MED13L: variants seen among roughly 807,000 people sequenced by gnomAD.
MED13L encodes mediator complex subunit 13L.
A neutral mutation model predicts 220.9 loss-of-function variants in MED13L; 7 were observed. The ratio of observed to expected loss-of-function variants is 0.03; its 90% CI spans 0.02 to 0.06. The LOEUF is 0.06. Among genes scored for constraint, MED13L ranks in the 10% least tolerant of loss-of-function variants. The probability of loss-of-function intolerance (pLI) is 1.00; values close to 1 mark genes in which losing one functional copy is unlikely to be tolerated. For missense variants in MED13L, 1,965 were observed against 2,760.5 expected (o/e 0.71, Z 6.46); for synonymous variants, 1,011 against 1,015.2 (o/e 1.00, Z 0.08).
In MED13L at chr12:116,008,418, C is replaced by T. The variant is rs749634218; in HGVS notation, c.1995G>A (p.Glu665=). 1.9e-6 allele frequency: 3 copies of T among 1,611,098 alleles called. No individual in the cohort carries two copies. The South Asian group carries it at 3.3e-5, about 18-fold the overall frequency. Residue 665 remains glutamate, a synonymous_variant, in exon 10 of 31, where the codon GAG becomes GAA. Coordinates refer to ENST00000281928, the MANE Select transcript of MED13L (RefSeq NM_015335.5). ...RCDAKMEVNS[E]STALQRLLAQ... is the part of the protein sequence containing the mutation. The stretch of plus-strand genomic sequence containing the variant: ...TGTCTTACCTTTGCAATGCAGTGCT[C>T]TCTGAGTTTACCTCCATTTTGGCAT...
chr12:116,230,205 A>C (rs1593188599), intron 2 of MED13L, among the ~76,000 whole-genome samples: 1 of 152,050 alleles, frequency 6.6e-6, no homozygotes, highest in South Asian at 2.1e-4. Flanking sequence ...GGAGTTCAAG[A>C]CCAGCCTGGC....
At chr12:116,208,103 A>T (rs1882466788) in intron 2 of MED13L, among the ~76,000 whole-genome samples, 1 of 152,196 alleles carries the variant, frequency 6.6e-6, no homozygotes, top group Non-Finnish European at 1.5e-5. Context: ...AAACATCGAG[A>T]AGGATAACAG....
intron 2 of MED13L, among the ~76,000 whole-genome samples, chr12:116,171,020 G>A (rs966389596): frequency 6.6e-6 from 1 of 152,242 alleles, no homozygotes; most frequent in African/African-American, 2.4e-5. Context: ...GGCACCACCA[G>A]CAGTTTTATC....
chr12:116,180,858 T>C (rs927551233), intron 2 of MED13L, among the ~76,000 whole-genome samples: 1 of 152,170 alleles, frequency 6.6e-6, no homozygotes, highest in Non-Finnish European at 1.5e-5. Context: ...CAGTTCTTCC[T>C]TACTATATAA....
At chr12:116,041,467 T>C (rs976947451) in intron 4 of MED13L, among the ~76,000 whole-genome samples, 14 of 152,218 alleles carry the variant, frequency 9.2e-5, no homozygotes, top group Admixed American at 7.9e-4. Flanking sequence ...TCTGTTCTAC[T>C]ACAGCTCTGT....
At chr12:116,072,232 C>T (rs1275073237) in intron 4 of MED13L, among the ~76,000 whole-genome samples, 2 of 152,320 alleles carry the variant, frequency 1.3e-5, no homozygotes, top group South Asian at 4.1e-4. Flanking sequence ...GATAAAACAG[C>T]TTGAATCTCA....
At chr12:116,263,109 G>A (rs1872617104) in intron 1 of MED13L, among the ~76,000 whole-genome samples, 1 of 152,058 alleles carries the variant, frequency 6.6e-6, no homozygotes, top group African/African-American at 2.4e-5. Flanking sequence ...AATTCTAAAT[G>A]CTAAATGGCT....
chr12:116,213,056 G>C (rs1882794963), intron 2 of MED13L, among the ~76,000 whole-genome samples: 1 of 152,168 alleles, frequency 6.6e-6, no homozygotes, highest in South Asian at 2.1e-4. Context: ...TATGCGCGAA[G>C]AAAAGCCACT....
At chr12:116,200,586 C>A (rs372843980) in intron 2 of MED13L, among the ~76,000 whole-genome samples, 3 of 151,984 alleles carry the variant, frequency 2.0e-5, no homozygotes, top group Non-Finnish European at 4.4e-5. Context: ...AGAATATGTA[C>A]GTAAACTGTC....
rs1566020576 is a variant in MED13L at position 116,031,717 on chromosome 12, A to AGG, written c.480-9117_480-9116insCC. On this transcript the variant is annotated intron_variant, in intron 4 of 30. Transcript: ENST00000281928. ...AAAGAAAAGAAAAGAAAAGAAAAGA[A>AGG]AAGAAAAGAAAAGAAAAGAAAAGAA... is the stretch of plus-strand genomic sequence containing the variant. 2.1e-3 allele frequency among the ~76,000 whole-genome samples: 166 copies of AGG among 79,326 alleles called. 7 individuals are homozygous for AGG. Among genetic ancestry groups the AGG allele is most frequent in the African/African-American group, 9.5e-3 (153 of 16,040 alleles). The allele number at this position is 79,326 out of a possible 152,430, so 52.0% of individuals were successfully genotyped here. A position where few individuals can be genotyped will look rare whatever the true frequency, so the allele number is the denominator to read the frequency against.
At chr12:115,962,120 G>A (rs188366730) in intron 30 of MED13L, among the ~76,000 whole-genome samples, 376 of 152,100 alleles carry the variant, frequency 2.5e-3, no homozygotes, top group African/African-American at 8.8e-3. Flanking sequence ...CTATTTTAAT[G>A]TGGCTAACAG....
intron 2 of MED13L, among the ~76,000 whole-genome samples, chr12:116,212,020 CA>C (rs1882727642): frequency 6.6e-6 from 1 of 152,168 alleles, no homozygotes; most frequent in Admixed American, 6.5e-5. Flanking sequence ...ACATATATCA[CA>C]TTTTTTTCTG....
At chr12:116,266,721 T>C (rs745402361) in intron 1 of MED13L, among the ~76,000 whole-genome samples, 2 of 152,166 alleles carry the variant, frequency 1.3e-5, no homozygotes, top group Non-Finnish European at 2.9e-5. Context: ...GAAAACAAAC[T>C]TACAAATTAA....
At chr12:115,987,963 T>C (rs1877811137) in intron 17 of MED13L, among the ~76,000 whole-genome samples, 1 of 152,158 alleles carries the variant, frequency 6.6e-6, no homozygotes, top group African/African-American at 2.4e-5. Context: ...CATGCAAAAC[T>C]GTGCAAGCAC....
chr12:116,089,882 G>A (rs1872039771), intron 4 of MED13L, among the ~76,000 whole-genome samples: 1 of 152,168 alleles, frequency 6.6e-6, no homozygotes, highest in East Asian at 1.9e-4. Flanking sequence ...TAAATTCTAA[G>A]ATACTTCAGC....
intron 4 of MED13L, among the ~76,000 whole-genome samples, chr12:116,027,856 CAAT>C (rs1018581736): frequency 2.2e-4 from 33 of 152,298 alleles, no homozygotes; most frequent in Admixed American, 1.9e-3. Flanking sequence ...ACAAATTCAA[CAAT>C]GAGTTGTCAC....
In MED13L at chr12:115,983,203, C is replaced by G. The variant is rs367850766; in HGVS notation, c.4869G>C (p.Ala1623=). The G allele has an allele frequency of 6.2e-7, 1 of 1,614,156 alleles. No individual in the cohort carries two copies. The highest frequency in any genetic ancestry group is 8.5e-7 in the Non-Finnish European group (1 of 1,179,998). The change falls in exon 21 of 31, where the codon GCG becomes GCC. Residue 1623 remains alanine, a synonymous_variant. Coordinates refer to ENST00000281928, the MANE Select transcript of MED13L (RefSeq NM_015335.5). ...GQNPSTGGIS[A]DRTQGNIGCG... is the part of the protein sequence containing the mutation. ...AGCCTATGTTCCCTTGCGTTCTATCCGCAGAAATGCCCCCAGTGCTGGGGT... is the reference window on the plus strand; with the variant it reads ...AGCCTATGTTCCCTTGCGTTCTATCGGCAGAAATGCCCCCAGTGCTGGGGT...
At chr12:116,020,560 T>A (rs1465521265) in intron 5 of MED13L, among the ~76,000 whole-genome samples, 1 of 152,216 alleles carries the variant, frequency 6.6e-6, no homozygotes, top group African/African-American at 2.4e-5. Flanking sequence ...TACAAAAGCT[T>A]GAAGCATAAT....
intron 4 of MED13L, among the ~76,000 whole-genome samples, chr12:116,066,382 A>G (rs558074432): frequency 6.6e-6 from 1 of 152,238 alleles, no homozygotes; most frequent in Non-Finnish European, 1.5e-5. Flanking sequence ...TTGTACAGGT[A>G]AACAGCAAGA....
Sources: gnomAD v4.1 joint callset for allele counts (sites outside exome capture counted in the v4.1 genomes callset) on GRCh38, gnomAD v4.1.1 for gene constraint, MANE v1.5 for transcripts, NCBI Gene and HGNC (gene_info 2026-07-23, HGNC 2026-07-21) for gene names.